DIP2B: variants seen among roughly 807,000 people sequenced by gnomAD.
DIP2B encodes the protein disco-interacting protein 2 homolog B.
A neutral mutation model predicts 198.0 loss-of-function variants in DIP2B; 76 were observed. The ratio of observed to expected loss-of-function variants is 0.38; its 90% CI spans 0.32 to 0.46. The LOEUF (loss-of-function observed/expected upper bound fraction) is 0.46, where lower values mean the gene tolerates loss of function less well. Among genes scored for constraint, DIP2B ranks in the 20% least tolerant of loss-of-function variants. The pLI is 0.99. For synonymous variants in DIP2B, 701 were observed against 739.1 expected (o/e 0.95, Z 0.84); for missense variants, 1,559 against 1,978.4 (o/e 0.79, Z 4.02).
chr12:50,707,414 C>T (rs754745974), intron 21 of DIP2B, among the ~76,000 whole-genome samples: 11 of 152,114 alleles, frequency 7.2e-5, no homozygotes, highest in Non-Finnish European at 1.6e-4. Flanking sequence ...TCAGTAGTGC[C>T]GGACACCTGG....
chr12:50,561,945 C>T (rs1252998653), intron 1 of DIP2B, among the ~76,000 whole-genome samples: 1 of 152,158 alleles, frequency 6.6e-6, no homozygotes, highest in Non-Finnish European at 1.5e-5. Context: ...TGGTCTGCTT[C>T]TCTTTGAAGG....
intron 1 of DIP2B, among the ~76,000 whole-genome samples, chr12:50,601,581 G>A (rs1304183856): frequency 3.9e-5 from 6 of 151,934 alleles, no homozygotes; most frequent in Admixed American, 3.3e-4. Context: ...CTCGTGATCC[G>A]CCCACCTCGG....
intron 1 of DIP2B, among the ~76,000 whole-genome samples, chr12:50,609,105 C>T (rs1015846421): frequency 5.9e-5 from 9 of 151,932 alleles, no homozygotes; most frequent in Non-Finnish European, 1.0e-4. Flanking sequence ...TGCACTCTAG[C>T]CTGTCTGACA....
At chr12:50,582,237 C>T (rs572632544) in intron 1 of DIP2B, among the ~76,000 whole-genome samples, 48 of 149,562 alleles carry the variant, frequency 3.2e-4, no homozygotes, top group African/African-American at 7.7e-4. Context: ...CTGCAGCCTC[C>T]GCCTCCCGGG....
intron 35 of DIP2B, among the ~76,000 whole-genome samples, chr12:50,738,576 C>G (rs185513640): frequency 1.7e-4 from 26 of 152,222 alleles, no homozygotes; most frequent in African/African-American, 6.0e-4. Flanking sequence ...CTCCATCTCC[C>G]CAGTTCAAGT....
At chr12:50,580,652 G>C (rs1181775255) in intron 1 of DIP2B, among the ~76,000 whole-genome samples, 2 of 145,244 alleles carry the variant, frequency 1.4e-5, no homozygotes, top group African/African-American at 5.1e-5. Flanking sequence ...CTTCAGTTCA[G>C]TTGTTCTGAA....
At chr12:50,605,524 C>G (rs1404542647) in intron 1 of DIP2B, among the ~76,000 whole-genome samples, 5 of 152,186 alleles carry the variant, frequency 3.3e-5, no homozygotes, top group Non-Finnish European at 1.5e-5. Context: ...GATCACACCA[C>G]TGCACTGCAG....
In DIP2B at chr12:50,719,035, G is replaced by C; in HGVS notation, c.3042G>C (p.Lys1014Asn). The C allele has an allele frequency of 6.2e-7, 1 of 1,613,942 alleles. No individual in the cohort carries two copies. Among genetic ancestry groups the C allele is most frequent in the Non-Finnish European group, 8.5e-7 (1 of 1,179,952 alleles). The part of the protein sequence containing the change: ...DHVLFMLLNA[K>N]GTTVCTASCL... Reference sequence around the variant, plus strand: ...TACTCTTCATGCTGTTAAATGCCAAGGTATTAAAAATTCAATGGTATATCT... The same window carrying C: ...TACTCTTCATGCTGTTAAATGCCAACGTATTAAAAATTCAATGGTATATCT... The change falls in exon 25 of 38, where the codon AAG becomes AAC. Residue 1014 changes from lysine to asparagine, a missense_variant and splice_region_variant. Coordinates refer to ENST00000301180, the MANE Select transcript of DIP2B (RefSeq NM_173602.3).
rs1293726550 is a variant in DIP2B at position 50,748,625 on chromosome 12, CTT to C, written c.*3788_*3789del. The C allele has an allele frequency of 6.6e-6, 1 of 152,490 alleles. No individual in the cohort carries two copies. Among genetic ancestry groups the C allele is most frequent in the African/African-American group, 2.4e-5 (1 of 41,388 alleles). 9.4% of individuals were successfully genotyped at this position (152,490 alleles called of 1,614,324 possible). A position where few individuals can be genotyped will look rare whatever the true frequency, so the allele number is the denominator to read the frequency against. On this transcript the variant is annotated 3_prime_UTR_variant, in exon 38 of 38. Transcript: ENST00000301180. ...TCTATTAACTCATTGAATGTGTTTC[CTT>C]TGTCTTGTGTTAATAAATATTGATG... is the stretch of plus-strand genomic sequence containing the variant.
chr12:50,505,044 C>T lies in DIP2B; in HGVS notation c.-97C>T. ...CGGCGGTGCTGGTGGTGCTCGGCGG[C>T]CGGAGCCGGATCCTGTAGCCGGGTG... is the stretch of plus-strand genomic sequence containing the variant. On this transcript the variant is annotated 5_prime_UTR_variant, in exon 1 of 38. Transcript: ENST00000301180. 9.2e-7 allele frequency: 1 copy of T among 1,091,754 alleles called. No homozygotes were observed. Among genetic ancestry groups the T allele is most frequent in the Non-Finnish European group, 1.3e-6 (1 of 770,038 alleles). The allele number at this position is 1,091,754 out of a possible 1,614,324, so 67.6% of individuals were successfully genotyped here. A position where few individuals can be genotyped will look rare whatever the true frequency, so the allele number is the denominator to read the frequency against.
intron 9 of DIP2B, 82 bp downstream of exon 9, chr12:50,680,845 A>C: frequency 7.8e-7 from 1 of 1,289,612 alleles, no homozygotes; most frequent in Non-Finnish European, 1.1e-6. Flanking sequence ...TGGAGTTTTC[A>C]TATACAACAG....
chr12:50,582,151 T>G (rs1461462737), intron 1 of DIP2B, among the ~76,000 whole-genome samples: 19 of 82,694 alleles, frequency 2.3e-4, no homozygotes, highest in Non-Finnish European at 4.7e-4. Context: ...TTCTGTTTTT[T>G]TTTTTTTTTT....
At chr12:50,608,850 A>T (rs371129678) in intron 1 of DIP2B, among the ~76,000 whole-genome samples, 4 of 152,012 alleles carry the variant, frequency 2.6e-5, no homozygotes, top group African/African-American at 9.7e-5. Context: ...CAGTGCAAAA[A>T]ATATTTATTA....
chr12:50,654,872 C>A (rs1938527734), intron 3 of DIP2B: 1 of 271,238 alleles, frequency 3.7e-6, no homozygotes, highest in South Asian at 3.7e-5. Context: ...AGCTAGACAA[C>A]ACACTCTGAA....
chr12:50,518,914 A>AT (rs1958090632), intron 1 of DIP2B, among the ~76,000 whole-genome samples: 1 of 151,850 alleles, frequency 6.6e-6, no homozygotes. Context: ...CTAATTTTTT[A>AT]TTTTTTGTAG....
At chr12:50,725,257 G>A (rs1939911297) in intron 28 of DIP2B, among the ~76,000 whole-genome samples, 1 of 152,152 alleles carries the variant, frequency 6.6e-6, no homozygotes, top group South Asian at 2.1e-4. Flanking sequence ...TAGGAGTCAG[G>A]TGATTTGGGT....
At chr12:50,695,392 T>C (rs765445032) in intron 15 of DIP2B, 32 bp downstream of exon 15, 2 of 1,566,340 alleles carry the variant, frequency 1.3e-6, no homozygotes, top group Non-Finnish European at 1.8e-6. Context: ...GCTTTAATTA[T>C]GTGACTGTTT....
intron 35 of DIP2B, 98 bp downstream of exon 35, chr12:50,737,208 C>G: frequency 8.5e-7 from 1 of 1,175,830 alleles, no homozygotes; most frequent in Non-Finnish European, 1.2e-6. Flanking sequence ...TTAGCTTTCC[C>G]CCGTTGTGAA....
chr12:50,542,021 G>A (rs1270276785), intron 1 of DIP2B, among the ~76,000 whole-genome samples: 2 of 131,512 alleles, frequency 1.5e-5, no homozygotes, highest in African/African-American at 2.9e-5. Context: ...GACCGGGCGC[G>A]GTGGCTCACG....
Sources: allele counts gnomAD v4.1 joint callset (sites outside exome capture counted in the v4.1 genomes callset), GRCh38; gene constraint gnomAD v4.1.1; transcripts MANE v1.5; gene names NCBI Gene and HGNC (gene_info 2026-07-23, HGNC 2026-07-21).